The following NRG1 variants were observed in gnomAD, a reference collection of about 807,000 sequenced individuals.
NRG1 encodes the protein neuregulin 1, also known as pro-neuregulin-1, membrane-bound isoform.
In NRG1, 18 loss-of-function variants were observed where a neutral mutation model predicts 63.8. The observed-to-expected ratio is 0.28, with a 90% CI of 0.19 to 0.42. NRG1 has a LOEUF of 0.42. Among genes scored for constraint, NRG1 ranks in the 10% least tolerant of loss-of-function variants. NRG1 has a pLI of 1.00. For missense variants in NRG1, 762 were observed against 814.7 expected, an observed-to-expected ratio of 0.94 and a Z score of 0.79; for synonymous variants, 302 against 301.3, an observed-to-expected ratio of 1.00 and a Z score of -0.02.
intron 1 of NRG1, among the ~76,000 whole-genome samples, chr8:32,227,732 G>C (rs1846484739): frequency 6.6e-6 from 1 of 152,052 alleles, no homozygotes; most frequent in Non-Finnish European, 1.5e-5. Context: ...TCCATCATCA[G>C]AATACATACT....
intron 1 of NRG1, among the ~76,000 whole-genome samples, chr8:32,133,750 T>G (rs117088666): frequency 4.6e-5 from 7 of 152,176 alleles, no homozygotes; most frequent in African/African-American, 1.4e-4. Flanking sequence ...AATATGTTTT[T>G]CTGATTAAGA....
chr8:32,259,199 A>G (rs891523502), intron 1 of NRG1, among the ~76,000 whole-genome samples: 1 of 152,216 alleles, frequency 6.6e-6, no homozygotes, highest in Non-Finnish European at 1.5e-5. Context: ...ACAAAGTGCT[A>G]TGGTTTGAAT....
intron 1 of NRG1, among the ~76,000 whole-genome samples, chr8:32,242,973 G>A (rs950143850): frequency 1.3e-5 from 2 of 152,144 alleles, no homozygotes; most frequent in Admixed American, 6.5e-5. Context: ...AAATCACAGT[G>A]TTGGCAGCTT....
chr8:32,429,211 A>G (rs1817819286), intron 1 of NRG1, among the ~76,000 whole-genome samples: 1 of 152,184 alleles, frequency 6.6e-6, no homozygotes, highest in Non-Finnish European at 1.5e-5. Flanking sequence ...TGTTTATCCA[A>G]AGTTACCCTC....
In NRG1 at chr8:32,555,281, A is replaced by G. The variant is rs544855450; in HGVS notation, c.100+6455A>G. 2.3e-4 allele frequency among the ~76,000 whole-genome samples: 35 copies of G among 152,280 alleles called. No homozygotes were observed. In the South Asian group the frequency reaches 5.0e-3, roughly 22 times the overall value. On this transcript the variant is annotated intron_variant, in intron 1 of 11. Transcript: ENST00000356819. ...TGCTATTTAAGAGTTTCACTCTGGC[A>G]TTGGAAAACTATAGGTGAAAGCATC...
At chr8:32,070,721 T>C (rs1825635066) in intron 1 of NRG1, among the ~76,000 whole-genome samples, 1 of 152,236 alleles carries the variant, frequency 6.6e-6, no homozygotes, top group Non-Finnish European at 1.5e-5. Context: ...GGTAACCATG[T>C]GCTTACAACA....
chr8:32,027,293 A>T (rs1817529374), intron 1 of NRG1, among the ~76,000 whole-genome samples: 1 of 152,166 alleles, frequency 6.6e-6, no homozygotes, highest in African/African-American at 2.4e-5. Flanking sequence ...TGGAATATTT[A>T]GGACATGTAT....
chr8:32,057,659 G>A (rs1423894411), intron 1 of NRG1, among the ~76,000 whole-genome samples: 2 of 152,138 alleles, frequency 1.3e-5, no homozygotes, highest in African/African-American at 2.4e-5. Flanking sequence ...CTGTCTTCTA[G>A]GTCATTGGGT....
At chr8:32,719,037 A>C (rs551879578) in intron 5 of NRG1, among the ~76,000 whole-genome samples, 55 of 152,216 alleles carry the variant, frequency 3.6e-4, no homozygotes, top group African/African-American at 1.2e-3. Context: ...TTTAAGAGCA[A>C]TGCTGAATAG....
chr8:32,276,986 A>G (rs2171346), intron 1 of NRG1, among the ~76,000 whole-genome samples: 1 of 152,210 alleles, frequency 6.6e-6, no homozygotes, highest in Non-Finnish European at 1.5e-5. Flanking sequence ...GCCTTGCAGA[A>G]GCCTGCAAGT....
chr8:32,004,662 G>T (rs11782798), intron 1 of NRG1, among the ~76,000 whole-genome samples: 89,412 of 151,652 alleles, frequency 0.59, 28,660 homozygotes, highest in South Asian at 0.73. Context: ...AATATGGGAA[G>T]TATGGATGAG....
chr8:32,061,462 T>C (rs1823847818), intron 1 of NRG1, among the ~76,000 whole-genome samples: 1 of 152,000 alleles, frequency 6.6e-6, no homozygotes, highest in Admixed American at 6.6e-5. Flanking sequence ...ACACATTTTT[T>C]CCCAAGATGC....
chr8:31,837,397 G>A (rs1262567225), intron 1 of NRG1, among the ~76,000 whole-genome samples: 1 of 151,562 alleles, frequency 6.6e-6, no homozygotes, highest in Non-Finnish European at 1.5e-5. Context: ...TAATAATTTT[G>A]CATGTTTATG....
chr8:32,292,075 T>C (rs185098031), intron 1 of NRG1, among the ~76,000 whole-genome samples: 2 of 152,286 alleles, frequency 1.3e-5, no homozygotes, highest in East Asian at 3.9e-4. Context: ...TACATGTGCA[T>C]TTACAGGAAG....
chr8:31,668,890 G>A (rs373956733), intron 1 of NRG1, among the ~76,000 whole-genome samples: 2 of 152,174 alleles, frequency 1.3e-5, no homozygotes, highest in Admixed American at 6.5e-5. Context: ...ATCTCTTATG[G>A]GAAATTCTTA....
intron 1 of NRG1, among the ~76,000 whole-genome samples, chr8:32,282,855 AG>A (rs1438649278): frequency 2.6e-5 from 4 of 152,192 alleles, no homozygotes; most frequent in Non-Finnish European, 4.4e-5. Flanking sequence ...TTGTAAAAAA[AG>A]TGTATCCATT....
intron 2 of NRG1, 97 bp downstream of exon 2, chr8:32,596,102 C>T (rs1843312107): frequency 2.1e-6 from 2 of 946,104 alleles, no homozygotes; most frequent in African/African-American, 3.3e-5. Flanking sequence ...CTATCAGAAA[C>T]ATAATAGATA....
At chr8:32,490,063 G>A (rs1430910041) in intron 1 of NRG1, among the ~76,000 whole-genome samples, 1 of 152,152 alleles carries the variant, frequency 6.6e-6, no homozygotes, top group Non-Finnish European at 1.5e-5. Flanking sequence ...AATCCCAATG[G>A]GAGACCAAGG....
chr8:31,647,411 G>C (rs538904920), intron 1 of NRG1, among the ~76,000 whole-genome samples: 33 of 152,236 alleles, frequency 2.2e-4, no homozygotes, highest in Admixed American at 2.6e-4. Context: ...TTCCTCAGTC[G>C]GCCCTGGAGG....
Sources: gnomAD v4.1 joint callset for allele counts (sites outside exome capture counted in the v4.1 genomes callset) on GRCh38, gnomAD v4.1.1 for gene constraint, MANE v1.5 for transcripts, NCBI Gene and HGNC (gene_info 2026-07-23, HGNC 2026-07-21) for gene names.